Variants in MAST2 observed in about 807,000 individuals in gnomAD.
MAST2 encodes the protein microtubule-associated serine/threonine-protein kinase 2.
MAST2 carries 70 observed loss-of-function variants against 147.4 expected under a neutral mutation model. That is an observed-to-expected ratio of 0.47 (90% confidence interval 0.39 to 0.58). The LOEUF (loss-of-function observed/expected upper bound fraction) is 0.58. Among genes scored for constraint, MAST2 ranks in the 20% least tolerant of loss-of-function variants. MAST2 has a pLI of 0.00. For synonymous variants in MAST2, 869 were observed against 896.8 expected, an observed-to-expected ratio of 0.97 and a Z score of 0.55; for missense variants, 2,080 against 2,302.3, an observed-to-expected ratio of 0.90 and a Z score of 1.98.
rs533324876 is a variant in MAST2, at chr1:45,894,713, C to T, written c.500+12318C>T. Among the ~76,000 whole-genome samples, 9 of 152,252 alleles carry T rather than the reference C, an allele frequency of 5.9e-5. 1 individual carries two copies. The highest frequency in any genetic ancestry group is 5.8e-4 in the East Asian group (3 of 5,182). Reference sequence around the variant, plus strand: ...ACCATGACAGCCAAAATTCACATTCCGAGTTGTGCCCTTCATTAGTCTTCA... The same window carrying T: ...ACCATGACAGCCAAAATTCACATTCTGAGTTGTGCCCTTCATTAGTCTTCA... On this transcript the variant is annotated intron_variant, in intron 4 of 28. Coordinates refer to ENST00000361297, the MANE Select transcript of MAST2 (RefSeq NM_015112.3).
At chr1:45,922,714 C>T (rs981372118) in intron 4 of MAST2, among the ~76,000 whole-genome samples, 1 of 152,164 alleles carries the variant, frequency 6.6e-6, no homozygotes, top group Non-Finnish European at 1.5e-5. Context: ...TGCAGCAGGG[C>T]GGTGGTGGCT....
intron 1 of MAST2, among the ~76,000 whole-genome samples, chr1:45,813,558 G>A (rs948630599): frequency 6.6e-6 from 1 of 150,820 alleles, no homozygotes; most frequent in Admixed American, 6.6e-5. Flanking sequence ...GAGTGCAGTG[G>A]CACGATCTTG....
chr1:45,832,845 T>C (rs1436006540), intron 3 of MAST2, among the ~76,000 whole-genome samples: 1 of 152,226 alleles, frequency 6.6e-6, no homozygotes, highest in Non-Finnish European at 1.5e-5. Flanking sequence ...GTCAGTATTT[T>C]TTGGTGTATT....
chr1:45,996,194 C>G (rs369803727), intron 5 of MAST2, among the ~76,000 whole-genome samples: 1 of 151,718 alleles, frequency 6.6e-6, no homozygotes, highest in Admixed American at 6.6e-5. Flanking sequence ...GTAACCAGAC[C>G]GATCCTTGGA....
intron 6 of MAST2, among the ~76,000 whole-genome samples, chr1:45,999,143 G>C (rs1645174693): frequency 6.6e-6 from 1 of 152,180 alleles, no homozygotes; most frequent in African/African-American, 2.4e-5. Flanking sequence ...CTCTTTCCAG[G>C]ATTCTTTGCA....
chr1:45,904,584 C>A (rs1557887844), intron 4 of MAST2, among the ~76,000 whole-genome samples: 1 of 151,562 alleles, frequency 6.6e-6, no homozygotes, highest in South Asian at 2.1e-4. Context: ...CCTACCTTAG[C>A]CCCCCCAAGT....
At chr1:45,980,666 C>T (rs1364869977) in intron 5 of MAST2, among the ~76,000 whole-genome samples, 1 of 152,128 alleles carries the variant, frequency 6.6e-6, no homozygotes, top group Non-Finnish European at 1.5e-5. Context: ...TCCCGATTAT[C>T]TGTGACTACA....
At chr1:45,912,027 C>G (rs1283449528) in intron 4 of MAST2, among the ~76,000 whole-genome samples, 1 of 151,728 alleles carries the variant, frequency 6.6e-6, no homozygotes, top group African/African-American at 2.4e-5. Context: ...GGCAACTGAC[C>G]CTGATATCAT....
chr1:45,931,942 C>T (rs974206148), intron 4 of MAST2, among the ~76,000 whole-genome samples: 1 of 152,164 alleles, frequency 6.6e-6, no homozygotes, highest in Non-Finnish European at 1.5e-5. Flanking sequence ...CCTCCTGCCT[C>T]GGCCTCCCAA....
chr1:45,886,432 A>G (rs1205803435), intron 4 of MAST2, among the ~76,000 whole-genome samples: 1 of 151,954 alleles, frequency 6.6e-6, no homozygotes, highest in African/African-American at 2.4e-5. Flanking sequence ...GCCTGCCACG[A>G]TAAGGGCTTT....
chr1:45,988,612 GTGT>G (rs1644740570), intron 5 of MAST2, among the ~76,000 whole-genome samples: 2 of 152,188 alleles, frequency 1.3e-5, no homozygotes, highest in African/African-American at 2.4e-5. Context: ...TTTGTTGGTA[GTGT>G]TGTTCAAGTG....
intron 3 of MAST2, among the ~76,000 whole-genome samples, chr1:45,854,389 C>A (rs1056239813): frequency 6.6e-6 from 1 of 150,858 alleles, no homozygotes; most frequent in Admixed American, 6.6e-5. Context: ...TCTGGGTTCT[C>A]TTTTCTGTTC....
rs1168665914 is a variant in MAST2 at position 45,994,110 on chromosome 1, A to T, written c.593-3614A>T. 2.0e-5 allele frequency among the ~76,000 whole-genome samples: 3 copies of T among 152,054 alleles called. No individual in the cohort carries two copies. The East Asian group carries it at 5.8e-4, about 29-fold the overall frequency. On this transcript the variant is annotated intron_variant, in intron 5 of 28. Coordinates refer to ENST00000361297, the MANE Select transcript of MAST2 (RefSeq NM_015112.3). ...CAATACATACAAATTATTATTAAGCAGGGAAGCTCACAGGAGCTTTGTGTC... is the reference window on the plus strand; with the variant it reads ...CAATACATACAAATTATTATTAAGCTGGGAAGCTCACAGGAGCTTTGTGTC...
chr1:45,881,623 C>G (rs1322482404), intron 3 of MAST2, among the ~76,000 whole-genome samples: 2 of 152,082 alleles, frequency 1.3e-5, no homozygotes, highest in Non-Finnish European at 2.9e-5. Context: ...ATATTATTAA[C>G]TATACTACTT....
At chr1:46,011,579 C>T (rs1645717111) in intron 10 of MAST2, among the ~76,000 whole-genome samples, 1 of 152,186 alleles carries the variant, frequency 6.6e-6, no homozygotes, top group South Asian at 2.1e-4. Context: ...TGGCCAGATG[C>T]CATCTCACTC....
At chr1:45,870,369 G>A in intron 3 of MAST2, among the ~76,000 whole-genome samples, 1 of 151,988 alleles carries the variant, frequency 6.6e-6, no homozygotes, top group East Asian at 1.9e-4. Flanking sequence ...CCCAACTCAG[G>A]AATAATGTAT....
At chr1:46,016,110 T>C (rs908745965) in intron 10 of MAST2, among the ~76,000 whole-genome samples, 1 of 151,348 alleles carries the variant, frequency 6.6e-6, no homozygotes, top group African/African-American at 2.4e-5. Flanking sequence ...AAAAGGCCTT[T>C]GACAAAATTC....
chr1:45,954,065 G>C (rs1293597904), intron 4 of MAST2, among the ~76,000 whole-genome samples: 2 of 152,114 alleles, frequency 1.3e-5, no homozygotes, highest in African/African-American at 4.8e-5. Flanking sequence ...TGAAACAGAA[G>C]TGATCTTTTC....
At chr1:46,013,951 A>G (rs1373602086) in intron 10 of MAST2, among the ~76,000 whole-genome samples, 1 of 152,182 alleles carries the variant, frequency 6.6e-6, no homozygotes, top group African/African-American at 2.4e-5. Context: ...CCAATACTTT[A>G]AAAGAAGAAA....
Sources: allele counts gnomAD v4.1 joint callset (sites outside exome capture counted in the v4.1 genomes callset), GRCh38; gene constraint gnomAD v4.1.1; transcripts MANE v1.5; gene names NCBI Gene and HGNC (gene_info 2026-07-23, HGNC 2026-07-21).